SQSTM1: variants seen among roughly 807,000 people sequenced by gnomAD.
The protein encoded by SQSTM1 is sequestosome-1.
In SQSTM1, 36 loss-of-function variants were observed where a neutral mutation model predicts 45.1. The observed-to-expected ratio is 0.80, with a 90% confidence interval of 0.61 to 1.05. The LOEUF (loss-of-function observed/expected upper bound fraction) is 1.05. SQSTM1 is among the 50% of genes least tolerant of loss of function. SQSTM1 has a pLI of 0.00. For synonymous variants in SQSTM1, 290 were observed against 244.3 expected, an observed-to-expected ratio of 1.19 and a Z score of -1.74; for missense variants, 617 against 607.1, an observed-to-expected ratio of 1.02 and a Z score of -0.17.
chr5:179,830,376 A>G (rs1172088718), intron 5 of SQSTM1, among the ~76,000 whole-genome samples: 1 of 152,172 alleles, frequency 6.6e-6, no homozygotes, highest in Non-Finnish European at 1.5e-5. Flanking sequence ...TCCAGAAATC[A>G]GTTAAAAAGG....
rs144289539 is a variant in SQSTM1 at position 179,823,892 on chromosome 5, G to T, written c.336G>T (p.Pro112=). The change falls in exon 3 of 8, where the codon CCG becomes CCT. Residue 112 remains proline, a synonymous_variant. Coordinates refer to ENST00000389805, the MANE Select transcript of SQSTM1 (RefSeq NM_003900.5). ...KKECRRDHRP[P]CAQEAPRNMV... is the part of the protein sequence containing the mutation. ...AGTGCCGGCGGGACCACCGCCCACCGTGTGCTCAGGAGGCGCCCCGCAACA... is the reference window on the plus strand; with the variant it reads ...AGTGCCGGCGGGACCACCGCCCACCTTGTGCTCAGGAGGCGCCCCGCAACA... 6.2e-7 allele frequency: 1 copy of T among 1,613,144 alleles called. No homozygotes were observed. The highest frequency in any genetic ancestry group is 8.5e-7 in the Non-Finnish European group (1 of 1,180,014).
chr5:179,821,517 G>A (rs1196798848), intron 1 of SQSTM1: 4 of 503,850 alleles, frequency 7.9e-6, no homozygotes, highest in Admixed American at 2.3e-5. Flanking sequence ...GGTCAGGCGG[G>A]CACTCGGGTT....
chr5:179,823,791 C>A, intron 2 of SQSTM1, 67 bp from the exon 3 acceptor site: 1 of 1,543,386 alleles, frequency 6.5e-7, no homozygotes, highest in Non-Finnish European at 8.9e-7. Context: ...GACAGCCCCA[C>A]AGTGACGACA....
rs1240565189 is a variant in SQSTM1 at position 179,824,093 on chromosome 5, C to T, written c.531+6C>T. The T allele has an allele frequency of 1.9e-6, 3 of 1,613,812 alleles. No individual in the cohort carries two copies. In the Admixed American group the frequency reaches 5.0e-5, roughly 27 times the overall value. ...CCTTCGGGCACCTGTCTGAGGTGAG[C>T]AGGCCCTCTGTGCAGGCCTGGGGTG... is the stretch of plus-strand genomic sequence containing the variant. On this transcript the variant is annotated splice_donor_region_variant and intron_variant, in intron 3 of 7. Transcript: ENST00000389805.
rs773552098 is a variant in SQSTM1 at position 179,820,982 on chromosome 5, G to A, written c.46G>A (p.Ala16Thr). The change falls in exon 1 of 8, where the codon GCG (alanine) becomes ACG (threonine). Residue 16 changes from alanine (A) to threonine (T), a missense_variant. Coordinates refer to ENST00000389805, the MANE Select transcript of SQSTM1 (RefSeq NM_003900.5). ...VKAYLLGKED[A>T]AREIRRFSFC... The stretch of plus-strand genomic sequence containing the variant: ...GGCCTACCTTCTGGGCAAGGAGGAC[G>A]CGGCGCGCGAGATTCGCCGCTTCAG... 7.0e-6 allele frequency: 11 copies of A among 1,574,758 alleles called. No homozygotes were observed. The highest frequency in any genetic ancestry group is 9.4e-6 in the Non-Finnish European group (11 of 1,169,442).
chr5:179,823,819 G>A, intron 2 of SQSTM1, 39 bp from the exon 3 acceptor site: 1 of 1,599,270 alleles, frequency 6.3e-7, no homozygotes, highest in Non-Finnish European at 8.5e-7. Flanking sequence ...AGGACTTTAG[G>A]GGGTCCCACC....
At chr5:179,821,257 G>C in intron 1 of SQSTM1, 116 bp downstream of exon 1, 1 of 1,060,444 alleles carries the variant, frequency 9.4e-7, no homozygotes. Flanking sequence ...GGGGGTCTGC[G>C]CTGGCTGCTC....
upstream of SQSTM1, among the ~76,000 whole-genome samples, chr5:179,819,575 C>A (rs1206888911): frequency 6.6e-6 from 1 of 152,250 alleles, no homozygotes; most frequent in Non-Finnish European, 1.5e-5. Flanking sequence ...GGCTCTCAGG[C>A]GCCTGGGCTG....
chr5:179,821,357 C>G (rs1757768621), intron 1 of SQSTM1, among the ~76,000 whole-genome samples: 1 of 152,162 alleles, frequency 6.6e-6, no homozygotes, highest in South Asian at 2.1e-4. Flanking sequence ...GGACCCGCTG[C>G]TCAGCGTCGG....
At chr5:179,822,716 A>T in intron 1 of SQSTM1, 1 of 556,730 alleles carries the variant, frequency 1.8e-6, no homozygotes, top group South Asian at 1.8e-5. Context: ...GCCCCTGTGC[A>T]CAGGCCCTCC....
chr5:179,836,997 T>C lies in SQSTM1; in HGVS notation c.*404T>C. ...TTTCTGCTACAGACCTGGTACACTC[T>C]GATTTTAGATAAAGTAAGCCTAGGT... On this transcript the variant is annotated 3_prime_UTR_variant, in exon 8 of 8. Transcript: ENST00000389805. 1.6e-6 allele frequency: 1 copy of C among 613,134 alleles called. No individual in the cohort carries two copies. The highest frequency in any genetic ancestry group is 2.9e-4 in the Middle Eastern group (1 of 3,504). The allele number at this position is 613,134 out of a possible 1,614,324, so 38.0% of individuals were successfully genotyped here.
At chr5:179,834,076 T>C (rs1188512061) in intron 7 of SQSTM1, among the ~76,000 whole-genome samples, 1 of 147,582 alleles carries the variant, frequency 6.8e-6, no homozygotes, top group Non-Finnish European at 1.5e-5. Flanking sequence ...TTAAGGCAGG[T>C]GTGACACAGA....
chr5:179,828,537 G>A (rs559564012), intron 5 of SQSTM1, among the ~76,000 whole-genome samples: 1 of 151,984 alleles, frequency 6.6e-6, no homozygotes, highest in East Asian at 1.9e-4. Flanking sequence ...ATCACGCCTG[G>A]CTAATTTTGT....
At chr5:179,822,810 C>T in intron 1 of SQSTM1, 148 bp from the exon 2 acceptor site, 2 of 739,852 alleles carry the variant, frequency 2.7e-6, no homozygotes, top group African/African-American at 1.7e-5. Context: ...GTAGTCTTGC[C>T]TCTCACTCCT....
chr5:179,806,887 AGGGCCGGGCCGGGCCGGGCT>A lies in SQSTM1; in HGVS notation c.-157+301_-157+320del, dbSNP rs1757188227. 6.7e-6 allele frequency: 1 copy of A among 149,726 alleles called. No homozygotes were observed. Among genetic ancestry groups the A allele is most frequent in the African/African-American group, 2.5e-5 (1 of 40,792 alleles). The allele number at this position is 149,726 out of a possible 1,614,324, so 9.3% of individuals were successfully genotyped here. On this transcript the variant is annotated intron_variant, in intron 1 of 5. Coordinates refer to the SQSTM1 transcript ENST00000514093. The surrounding 1 kb of genome is among the most constrained non-coding windows in gnomAD (Gnocchi z 4.6). The stretch of plus-strand genomic sequence containing the variant: ...ACACTGGCGGCCTCGCCTCCGCGGC[AGGGCCGGGCCGGGCCGGGCT>A]GGGCTGGGCTGGGCGGCGAGAGCCG...
chr5:179,820,824 G>A (rs1461796742), upstream of SQSTM1: 2 of 1,071,962 alleles, frequency 1.9e-6, no homozygotes, highest in Non-Finnish European at 1.2e-6. Context: ...GGGCGGGGAG[G>A]GCGCGAGAGA....
At chr5:179,824,972 C>G (rs1380184826) in intron 4 of SQSTM1, among the ~76,000 whole-genome samples, 174 bp from the exon 5 acceptor site, 1 of 151,088 alleles carries the variant, frequency 6.6e-6, no homozygotes, top group Non-Finnish European at 1.5e-5. Context: ...CTGTGCAGGG[C>G]CAGGGGGTGC....
intron 1 of SQSTM1, chr5:179,822,545 T>G (rs1462299363): frequency 3.2e-6 from 1 of 316,626 alleles, no homozygotes; most frequent in Non-Finnish European, 6.3e-6. Context: ...CCACTAGAAG[T>G]CTAAGGCCTT....
intron 5 of SQSTM1, among the ~76,000 whole-genome samples, chr5:179,828,857 G>C (rs2113500019): frequency 6.6e-6 from 1 of 152,212 alleles, no homozygotes; most frequent in East Asian, 1.9e-4. Flanking sequence ...AGTAATAGAG[G>C]AAAAGACAAA....
Sources: allele counts gnomAD v4.1 joint callset (sites outside exome capture counted in the v4.1 genomes callset), GRCh38; gene constraint gnomAD v4.1.1; non-coding constraint Gnocchi (gnomAD v3.1); transcripts MANE v1.5; gene names NCBI Gene and HGNC (gene_info 2026-07-23, HGNC 2026-07-21).